EEF1D: variants seen among roughly 807,000 people sequenced by gnomAD.
The protein encoded by EEF1D is eukaryotic translation elongation factor 1 delta.
In EEF1D, 47 loss-of-function variants were observed where a neutral mutation model predicts 63.9. The observed-to-expected ratio is 0.74, with a 90% CI of 0.58 to 0.94. EEF1D has a LOEUF of 0.94. EEF1D is among the 40% of genes least tolerant of loss of function. The pLI is 0.00. For synonymous variants in EEF1D, 412 were observed against 386.1 expected, an observed-to-expected ratio of 1.07 and a Z score of -0.79; for missense variants, 907 against 899.0, an observed-to-expected ratio of 1.01 and a Z score of -0.11.
rs775838145 is a variant in EEF1D, at chr8:143,580,635, G to A, written c.1581C>T (p.Gly527=). The A allele has an allele frequency of 6.2e-7, 1 of 1,613,920 alleles. No homozygotes were observed. The highest frequency in any genetic ancestry group is 2.2e-5 in the East Asian group (1 of 44,892). ...CCTTGTCCTCCTCCTCATTGTCACT[G>A]CCAAACAGGTCAATGTCATCATCCT... ...DDEDDDIDLF[G]SDNEEEDKEA... is the part of the protein sequence containing the mutation. The change falls in exon 8 of 10, where the codon GGC becomes GGT. Residue 527 remains glycine, a synonymous_variant. Transcript: ENST00000618139.
At position 143,581,040 on chromosome 8, in the gene EEF1D, G is replaced by A; in HGVS notation, c.1488+14C>T. The stretch of plus-strand genomic sequence containing the variant: ...GTGGTCCCCTGCAGTGTCAGGCGTG[G>A]GGAGAGCATTCACCTGGGTCTGTGG... On this transcript the variant is annotated intron_variant, in intron 7 of 9. Transcript: ENST00000618139. 1 of 1,610,562 alleles carries A rather than the reference G, an allele frequency of 6.2e-7. No homozygotes were observed. The highest frequency in any genetic ancestry group is 8.5e-7 in the Non-Finnish European group (1 of 1,179,294).
At chr8:143,579,882 G>A (rs376054317) in intron 9 of EEF1D, 52 bp from the exon 10 acceptor site, 228 of 1,536,590 alleles carry the variant, frequency 1.5e-4, no homozygotes, top group South Asian at 3.7e-4. Context: ...CAGCCCACTC[G>A]GAGCCAGGAG....
intron 1 of EEF1D, among the ~76,000 whole-genome samples, chr8:143,593,615 G>T (rs968216003): frequency 6.6e-6 from 1 of 152,174 alleles, no homozygotes; most frequent in African/African-American, 2.4e-5. Flanking sequence ...GCAGGGGTCT[G>T]GTGGAGACGA....
Position 143,589,426 on chromosome 8 carries a change from T to G in EEF1D, c.656A>C (p.Gln219Pro). The part of the protein sequence containing the change: ...AHQPSPPVNG[Q>P]PPLGSLQALV... ...TGCCTGCAGGCTGCCCAGCGGGGGC[T>G]GGCCATTGACCGGTGGGCTGGGCTG... Residue 219 changes from glutamine to proline, a missense_variant, in exon 3 of 10, where the codon CAG (glutamine) becomes CCG (proline). Gln to Pro is a moderately conservative substitution (Grantham distance 76, BLOSUM62 -1). Coordinates refer to ENST00000618139, the MANE Select transcript of EEF1D (RefSeq NM_001130053.5). 1.1e-5 allele frequency: 17 copies of G among 1,529,480 alleles called. No individual in the cohort carries two copies. Among genetic ancestry groups the G allele is most frequent in the Non-Finnish European group, 1.5e-5 (17 of 1,132,886 alleles). The allele number at this position is 1,529,480 out of a possible 1,614,324, so 94.7% of individuals were successfully genotyped here. A position where few individuals can be genotyped will look rare whatever the true frequency, so the allele number is the denominator to read the frequency against.
At chr8:143,583,099 C>T (rs1825871551) in intron 5 of EEF1D, 4 of 152,256 alleles carry the variant, frequency 2.6e-5, no homozygotes, top group Admixed American at 2.0e-4. Flanking sequence ...GTAACTGTCA[C>T]TGAGGGGCAG....
At chr8:143,587,887 C>T (rs1395612117) in intron 3 of EEF1D, among the ~76,000 whole-genome samples, 1 of 152,166 alleles carries the variant, frequency 6.6e-6, no homozygotes, top group Non-Finnish European at 1.5e-5. Flanking sequence ...CCGCCCCCCA[C>T]CCTGGACTGG....
chr8:143,593,934 C>G, intron 1 of EEF1D: 1 of 985,410 alleles, frequency 1.0e-6, no homozygotes, highest in Non-Finnish European at 1.2e-6. Context: ...TCAAAGCTTG[C>G]GCAGACGACA....
chr8:143,586,530 C>T (rs1281361356), intron 4 of EEF1D, among the ~76,000 whole-genome samples, 199 bp downstream of exon 4: 1 of 152,154 alleles, frequency 6.6e-6, no homozygotes, highest in South Asian at 2.1e-4. Flanking sequence ...GCACAGGCGC[C>T]GGCAGGAGGG....
chr8:143,586,601 A>C, intron 4 of EEF1D, 128 bp downstream of exon 4: 2 of 1,358,272 alleles, frequency 1.5e-6, no homozygotes, highest in Non-Finnish European at 9.9e-7. Context: ...CCCCACTCCC[A>C]GCACCCACAG....
chr8:143,592,127 TGGGGGTGG>T, intron 2 of EEF1D: 1 of 864,820 alleles, frequency 1.2e-6, no homozygotes, highest in Non-Finnish European at 1.4e-6. Flanking sequence ...GGTTGTGGGT[TGGGGGTGG>T]GGTGGGAGCA....
Position 143,589,103 on chromosome 8 carries a change from A to G in EEF1D, c.979T>C (p.Cys327Arg). Residue 327 changes from cysteine to arginine, a missense_variant, in exon 3 of 10, where the codon TGC (cysteine) becomes CGC (arginine). Coordinates refer to ENST00000618139, the MANE Select transcript of EEF1D (RefSeq NM_001130053.5). The part of the protein sequence containing the change: ...LSKPAYDSAE[C>R]RHHAAEALRV... ...AGGGCCTCGGCAGCGTGGTGGCGGC[A>G]CTCGGCGCTGTCGTAGGCAGGCTTG... 6.2e-7 allele frequency: 1 copy of G among 1,610,070 alleles called. No homozygotes were observed. The highest frequency in any genetic ancestry group is 8.5e-7 in the Non-Finnish European group (1 of 1,179,150).
chr8:143,592,453 G>T (rs532204964), intron 2 of EEF1D, among the ~76,000 whole-genome samples, 194 bp downstream of exon 2: 130 of 152,098 alleles, frequency 8.5e-4, no homozygotes, highest in African/African-American at 3.0e-3. Context: ...CCTGCTCACG[G>T]CCACACAGGG....
At chr8:143,583,611 C>G (rs1040996775) in intron 5 of EEF1D, 2 of 152,312 alleles carry the variant, frequency 1.3e-5, no homozygotes, top group Non-Finnish European at 2.9e-5. Context: ...GAGCACCCCA[C>G]CTGGCAGACA....
At chr8:143,587,906 C>T (rs1360411357) in intron 3 of EEF1D, among the ~76,000 whole-genome samples, 1 of 152,222 alleles carries the variant, frequency 6.6e-6, no homozygotes, top group Non-Finnish European at 1.5e-5. Context: ...GGCCAAGACC[C>T]TCTTACTGTC....
Position 143,589,473 on chromosome 8 carries a change from C to T in EEF1D, c.609G>A (p.Val203=). 2.0e-6 allele frequency: 3 copies of T among 1,530,648 alleles called. No individual in the cohort carries two copies. The highest frequency in any genetic ancestry group is 2.6e-6 in the Non-Finnish European group (3 of 1,135,390). The allele number at this position is 1,530,648 out of a possible 1,614,324, so 94.8% of individuals were successfully genotyped here. ...GCTGGTGGGCCAGGTCGGGGACGGC[C>T]ACCTGCTGGCCTGTGTTGGGAGTCC... is the stretch of plus-strand genomic sequence containing the variant. ...RQGTPNTGQQ[V]AVPDLAHQPS... Residue 203 remains valine (V), a synonymous_variant, in exon 3 of 10, where the codon GTG becomes GTA. Transcript: ENST00000618139.
At chr8:143,583,750 C>T (rs1424783294) in intron 5 of EEF1D, 1 of 152,286 alleles carries the variant, frequency 6.6e-6, no homozygotes, top group African/African-American at 2.4e-5. Context: ...ACATACGAGT[C>T]CGCAGAGCCT....
chr8:143,594,531 A>C (rs1828486433), intron 1 of EEF1D: 1 of 152,582 alleles, frequency 6.6e-6, no homozygotes, highest in Admixed American at 6.5e-5. Context: ...GGGCAAACGG[A>C]AGCTTTCTGG....
At chr8:143,580,456 G>C (rs193071723) in intron 8 of EEF1D, 50 bp downstream of exon 8, 4 of 1,580,260 alleles carry the variant, frequency 2.5e-6, no homozygotes, top group Non-Finnish European at 3.5e-6. Context: ...CCGGCTAGGC[G>C]GGCACCAGGG....
chr8:143,580,635 G>C lies in EEF1D; in HGVS notation c.1581C>G (p.Gly527=). ...CCTTGTCCTCCTCCTCATTGTCACT[G>C]CCAAACAGGTCAATGTCATCATCCT... ...DDEDDDIDLF[G]SDNEEEDKEA... is the part of the protein sequence containing the mutation. The change falls in exon 8 of 10, where the codon GGC becomes GGG. Residue 527 remains glycine, a synonymous_variant. Transcript: ENST00000618139. 1 of 1,613,920 alleles carries C rather than the reference G, an allele frequency of 6.2e-7. No homozygotes were observed. The highest frequency in any genetic ancestry group is 2.2e-5 in the East Asian group (1 of 44,892).
Sources: gnomAD v4.1 joint callset for allele counts (sites outside exome capture counted in the v4.1 genomes callset) on GRCh38, gnomAD v4.1.1 for gene constraint, MANE v1.5 for transcripts, NCBI Gene and HGNC (gene_info 2026-07-23, HGNC 2026-07-21) for gene names.